WSCD2: variants seen among roughly 807,000 people sequenced by gnomAD.
WSCD2 encodes sialate:O-sulfotransferase 2.
A neutral mutation model predicts 55.7 loss-of-function variants in WSCD2; 28 were observed. The ratio of observed to expected loss-of-function variants is 0.50; its 90% CI spans 0.37 to 0.69. The LOEUF (loss-of-function observed/expected upper bound fraction) is 0.69, where lower values mean the gene tolerates loss of function less well. Ranked by LOEUF, WSCD2 falls within the 30% of genes least tolerant of loss-of-function variation. The probability of loss-of-function intolerance (pLI) is 0.00; values close to 1 mark genes in which losing one functional copy is unlikely to be tolerated. For missense variants in WSCD2, 616 were observed against 762.1 expected (o/e 0.81, Z 2.26); for synonymous variants, 301 against 301.9 (o/e 1.00, Z 0.03).
At chr12:108,150,734 C>G (rs747474138) in intron 1 of WSCD2, among the ~76,000 whole-genome samples, 7 of 152,158 alleles carry the variant, frequency 4.6e-5, no homozygotes, top group African/African-American at 1.7e-4. Flanking sequence ...TCTCTGCCCA[C>G]CCTGCCCGGA....
In WSCD2 at chr12:108,249,983, G is replaced by A. The variant is rs1018717291; in HGVS notation, c.*1640G>A. On this transcript the variant is annotated 3_prime_UTR_variant, in exon 9 of 9. Transcript: ENST00000547525. The stretch of plus-strand genomic sequence containing the variant: ...GGGTTGGCCTCCCTTCTACTGGGAG[G>A]TTGACTCTCTCTGGGAGACTCTTGG... 1 of 152,582 alleles carries A rather than the reference G, an allele frequency of 6.6e-6. No homozygotes were observed. The highest frequency in any genetic ancestry group is 1.5e-5 in the Non-Finnish European group (1 of 68,026). The allele number at this position is 152,582 out of a possible 1,614,324, so 9.5% of individuals were successfully genotyped here.
intron 1 of WSCD2, among the ~76,000 whole-genome samples, chr12:108,166,744 CCTTCTTTCTTTCTTTCTT>C (rs1565928640): frequency 1.1e-4 from 6 of 53,926 alleles, no homozygotes; most frequent in Non-Finnish European, 2.4e-4. Context: ...TTCTTTCTTT[CCTTCTTTCTTTCTTTCTT>C]TTCTTTCTTT....
In WSCD2 at chr12:108,212,949, A is replaced by G. The variant is rs79510104; in HGVS notation, c.682+2644A>G. The stretch of plus-strand genomic sequence containing the variant: ...AGCACCTTCAGCTGGAGACCCTAAA[A>G]GAAAATCTAAGCCTTATTAGCCTTG... On this transcript the variant is annotated intron_variant, in intron 4 of 8. Coordinates refer to ENST00000547525, the MANE Select transcript of WSCD2 (RefSeq NM_014653.4). 5.1e-3 allele frequency among the ~76,000 whole-genome samples: 777 copies of G among 152,316 alleles called. 4 individuals are homozygous for G. The highest frequency in any genetic ancestry group is 0.018 in the African/African-American group (746 of 41,556).
At chr12:108,240,713 A>G (rs952916139) in intron 8 of WSCD2, among the ~76,000 whole-genome samples, 169 bp downstream of exon 8, 1 of 152,146 alleles carries the variant, frequency 6.6e-6, no homozygotes, top group African/African-American at 2.4e-5. Context: ...CCTTGCTTCC[A>G]GTAGAGTAGG....
chr12:108,178,549 A>G (rs935095788), intron 1 of WSCD2, among the ~76,000 whole-genome samples: 8 of 152,198 alleles, frequency 5.3e-5, no homozygotes, highest in African/African-American at 1.9e-4. Context: ...CTATGGCTGA[A>G]TCATTCGACA....
intron 1 of WSCD2, among the ~76,000 whole-genome samples, chr12:108,184,437 A>C (rs1882196099): frequency 6.6e-6 from 1 of 152,190 alleles, no homozygotes; most frequent in Admixed American, 6.5e-5. Flanking sequence ...GGTTGCTAAT[A>C]GGTGCTGTCA....
chr12:108,238,383 G>A (rs1889433006), intron 7 of WSCD2, among the ~76,000 whole-genome samples: 1 of 152,186 alleles, frequency 6.6e-6, no homozygotes, highest in South Asian at 2.1e-4. Context: ...CTGCTCAGTG[G>A]CCATGTGAGA....
chr12:108,147,016 C>T (rs1284771622), intron 1 of WSCD2, among the ~76,000 whole-genome samples: 4 of 152,224 alleles, frequency 2.6e-5, no homozygotes, highest in Admixed American at 6.5e-5. Flanking sequence ...CTCTGCTAAA[C>T]ATCAAGTATA....
chr12:108,183,045 C>T (rs1365353671), intron 1 of WSCD2, among the ~76,000 whole-genome samples: 2 of 152,042 alleles, frequency 1.3e-5, no homozygotes, highest in East Asian at 1.9e-4. Flanking sequence ...TTCTCTCTTC[C>T]ATTAGGTGCA....
chr12:108,194,855 G>C (rs1167101188), intron 1 of WSCD2, among the ~76,000 whole-genome samples: 1 of 152,170 alleles, frequency 6.6e-6, no homozygotes, highest in African/African-American at 2.4e-5. Context: ...GAAAAAAAAT[G>C]AATGAATCTG....
At chr12:108,184,529 C>T (rs1241037471) in intron 1 of WSCD2, among the ~76,000 whole-genome samples, 1 of 152,160 alleles carries the variant, frequency 6.6e-6, no homozygotes, top group African/African-American at 2.4e-5. Flanking sequence ...CGGCTGGGAG[C>T]AATGGGGGCT....
At chr12:108,141,242 T>TTTTTTGTTTG (rs1268815323) in intron 1 of WSCD2, among the ~76,000 whole-genome samples, 1 of 152,118 alleles carries the variant, frequency 6.6e-6, no homozygotes, top group East Asian at 1.9e-4. Flanking sequence ...CTTTTTGTTC[T>TTTTTTGTTTG]TTTTTGTTTG....
chr12:108,166,795 T>TTCTTTCTG (rs1565928993), intron 1 of WSCD2, among the ~76,000 whole-genome samples: 7 of 149,582 alleles, frequency 4.7e-5, no homozygotes, highest in South Asian at 4.2e-4. Context: ...CTTTCTGTCT[T>TTCTTTCTG]TCTTTCTTTC....
intron 1 of WSCD2, among the ~76,000 whole-genome samples, chr12:108,173,810 CTGTGTGTGTG>C (rs113409001): frequency 3.4e-4 from 45 of 131,232 alleles, no homozygotes; most frequent in South Asian, 2.1e-3. Context: ...TCCTGGCTCT[CTGTGTGTGTG>C]TGTGTGTGTG....
intron 1 of WSCD2, among the ~76,000 whole-genome samples, chr12:108,148,260 C>A (rs889718337): frequency 6.6e-6 from 1 of 152,190 alleles, no homozygotes; most frequent in African/African-American, 2.4e-5. Flanking sequence ...CCGAACACCC[C>A]CTGAGGTGGG....
At chr12:108,238,149 G>GTC (rs1889416841) in intron 7 of WSCD2, among the ~76,000 whole-genome samples, 2 of 152,126 alleles carry the variant, frequency 1.3e-5, no homozygotes, top group African/African-American at 2.4e-5. Flanking sequence ...GTCTGAAGCT[G>GTC]TCTCTCTCTC....
At chr12:108,197,446 G>T (rs1884073025) in intron 2 of WSCD2, among the ~76,000 whole-genome samples, 1 of 152,142 alleles carries the variant, frequency 6.6e-6, no homozygotes, top group Admixed American at 6.5e-5. Flanking sequence ...TGGATCAGGG[G>T]ATGTGGATTC....
At position 108,211,630 on chromosome 12, in the gene WSCD2, C is replaced by CATATATATATAT. The variant is rs56944563; in HGVS notation, c.682+1335_682+1346dup. On this transcript the variant is annotated intron_variant, in intron 4 of 8. Transcript: ENST00000547525. ...AAAATGTGTCCAGTGTTTCAAATCCCATATATATATATATATATATACATA... is the reference window on the plus strand; with the variant it reads ...AAAATGTGTCCAGTGTTTCAAATCCCATATATATATATATATATATATATATATATATACATA... 7.4e-4 allele frequency among the ~76,000 whole-genome samples: 103 copies of CATATATATATAT among 138,524 alleles called. 1 individual carries two copies. Among genetic ancestry groups the CATATATATATAT allele is most frequent in the African/African-American group, 2.8e-3 (102 of 36,746 alleles). The allele number at this position is 138,524 out of a possible 152,430, so 90.9% of individuals were successfully genotyped here. A position where few individuals can be genotyped will look rare whatever the true frequency, so the allele number is the denominator to read the frequency against.
chr12:108,211,630 C>CATATATATATATATATATAT (rs56944563), intron 4 of WSCD2, among the ~76,000 whole-genome samples: 8 of 138,550 alleles, frequency 5.8e-5, no homozygotes, highest in African/African-American at 2.2e-4. Context: ...TTTCAAATCC[C>CATATATATATATATATATAT]ATATATATAT....
Sources: allele counts gnomAD v4.1 joint callset (sites outside exome capture counted in the v4.1 genomes callset), GRCh38; gene constraint gnomAD v4.1.1; transcripts MANE v1.5; gene names NCBI Gene and HGNC (gene_info 2026-07-23, HGNC 2026-07-21).